The following RHD variants were observed in gnomAD, a reference collection of about 807,000 sequenced individuals.
RHD encodes the protein blood group Rh(D) polypeptide.
Under a neutral mutation model 45.5 loss-of-function variants are expected in RHD, and 16 were observed. That is an observed-to-expected ratio of 0.35 (90% CI 0.24 to 0.53). The LOEUF (loss-of-function observed/expected upper bound fraction) is 0.53. Ranked by LOEUF, RHD falls within the 20% of genes least tolerant of loss-of-function variation. RHD has a pLI of 0.92. For synonymous variants in RHD, 131 were observed against 217.5 expected (o/e 0.60, Z 3.50); for missense variants, 306 against 532.0 (o/e 0.58, Z 4.18).
intron 7 of RHD, among the ~76,000 whole-genome samples, chr1:25,309,914 A>C (rs1403367511): frequency 7.5e-6 from 1 of 133,528 alleles, no homozygotes; most frequent in African/African-American, 2.5e-5. Context: ...AGCATCATAT[A>C]GAATGAGTTG....
chr1:25,307,040 G>C (rs3118453), intron 7 of RHD: 247,670 of 347,296 alleles, frequency 0.71, 104,373 homozygotes, highest in South Asian at 0.85. Context: ...CTGTGGTTCA[G>C]GTCGTGATGC....
rs1200793504 is a variant in RHD at position 25,280,019 on chromosome 1, G to C, written c.149-4554G>C. Among the ~76,000 whole-genome samples, 8 of 129,952 alleles carry C rather than the reference G, an allele frequency of 6.2e-5. 1 individual carries two copies. Among genetic ancestry groups the C allele is most frequent in the African/African-American group, 2.2e-4 (8 of 37,152 alleles). 85.3% of individuals were successfully genotyped at this position (129,952 alleles called of 152,430 possible). A position where few individuals can be genotyped will look rare whatever the true frequency, so the allele number is the denominator to read the frequency against. Reference sequence around the variant, plus strand: ...CCAGATAATGGATGGGTGGAAATGGGCCTGGAGCCCAGGAGAAGTGGGAGG... The same window carrying C: ...CCAGATAATGGATGGGTGGAAATGGCCCTGGAGCCCAGGAGAAGTGGGAGG... On this transcript the variant is annotated intron_variant, in intron 1 of 9. Transcript: ENST00000328664.
rs1304385995 is a variant in RHD, at chr1:25,330,120, G to A, written c.*1196G>A. On this transcript the variant is annotated 3_prime_UTR_variant, in exon 10 of 10. Transcript: ENST00000328664. ...GTGTTTAAATGCTCTTCTGAAGGCT[G>A]ATACGACAGCTCTCTGTGCACTGAT... 1.5e-5 allele frequency: 2 copies of A among 132,602 alleles called. 1 individual carries two copies. Among genetic ancestry groups the A allele is most frequent in the Non-Finnish European group, 3.6e-5 (2 of 55,986 alleles). 8.2% of individuals were successfully genotyped at this position (132,602 alleles called of 1,614,324 possible). A position where few individuals can be genotyped will look rare whatever the true frequency, so the allele number is the denominator to read the frequency against.
At chr1:25,285,426 G>A (rs1259674493) in intron 2 of RHD, among the ~76,000 whole-genome samples, 14 of 135,024 alleles carry the variant, frequency 1.0e-4, no homozygotes, top group South Asian at 2.2e-4. Context: ...GAGCCACCGC[G>A]TCCAGCCTGA....
At chr1:25,285,928 T>C (rs1472676064) in intron 2 of RHD, among the ~76,000 whole-genome samples, 3 of 134,468 alleles carry the variant, frequency 2.2e-5, no homozygotes, top group Non-Finnish European at 5.3e-5. Flanking sequence ...CATTTCTCTA[T>C]GAGCCAGGAA....
rs1471993368 is a variant in RHD, at chr1:25,295,914, T to C, written c.487-5032T>C. On this transcript the variant is annotated intron_variant, in intron 3 of 9. Transcript: ENST00000328664. Reference sequence around the variant, plus strand: ...TTTCGCTGTTGTCATCCAGGCTGGATTGCAATGTTGCAATCTTGGCTCACT... The same window carrying C: ...TTTCGCTGTTGTCATCCAGGCTGGACTGCAATGTTGCAATCTTGGCTCACT... Among the ~76,000 whole-genome samples the C allele has an allele frequency of 1.8e-5, 2 of 111,746 alleles. 1 individual carries two copies. The highest frequency in any genetic ancestry group is 4.2e-5 in the Non-Finnish European group (2 of 47,444). 73.3% of individuals were successfully genotyped at this position (111,746 alleles called of 152,430 possible). A position where few individuals can be genotyped will look rare whatever the true frequency, so the allele number is the denominator to read the frequency against.
At position 25,315,993 on chromosome 1, in the gene RHD, A is replaced by G. The variant is rs1283101049; in HGVS notation, c.1074-1007A>G. 6.1e-5 allele frequency among the ~76,000 whole-genome samples: 8 copies of G among 131,328 alleles called. 3 individuals carry two copies. Among genetic ancestry groups the G allele is most frequent in the Non-Finnish European group, 1.8e-5 (1 of 55,688 alleles). 86.2% of individuals were successfully genotyped at this position (131,328 alleles called of 152,430 possible). On this transcript the variant is annotated intron_variant, in intron 7 of 9. Coordinates refer to ENST00000328664, the MANE Select transcript of RHD (RefSeq NM_016124.6). Reference sequence around the variant, plus strand: ...CTTGGAGCTTTGCTTTGTCTTAAAAATGAGAACATGAGCTGCCCACCTGTT... The same window carrying G: ...CTTGGAGCTTTGCTTTGTCTTAAAAGTGAGAACATGAGCTGCCCACCTGTT...
In RHD at chr1:25,330,068, G is replaced by C. The variant is rs560638872; in HGVS notation, c.*1144G>C. On this transcript the variant is annotated 3_prime_UTR_variant, in exon 10 of 10. Coordinates refer to ENST00000328664, the MANE Select transcript of RHD (RefSeq NM_016124.6). Reference sequence around the variant, plus strand: ...AGACCAAGGGGAGAACCTGGTTGCAGGACAAACAGACGGACAGCGTGTGGC... The same window carrying C: ...AGACCAAGGGGAGAACCTGGTTGCACGACAAACAGACGGACAGCGTGTGGC... The C allele has an allele frequency of 7.5e-6, 1 of 132,962 alleles. No homozygotes were observed. The highest frequency in any genetic ancestry group is 7.3e-5 in the Admixed American group (1 of 13,632). The allele number at this position is 132,962 out of a possible 1,614,324, so 8.2% of individuals were successfully genotyped here.
At chr1:25,294,080 T>G in intron 3 of RHD, 1 of 676,018 alleles carries the variant, frequency 1.5e-6, no homozygotes, top group Admixed American at 1.9e-5. Flanking sequence ...ATCTGTTATT[T>G]CTTCCTTATT....
At chr1:25,287,296 G>A (rs1642110704) in intron 2 of RHD, among the ~76,000 whole-genome samples, 1 of 133,408 alleles carries the variant, frequency 7.5e-6, no homozygotes, top group East Asian at 1.9e-4. Context: ...CTGCCCCACA[G>A]TCTAGGGCTG....
intron 6 of RHD, among the ~76,000 whole-genome samples, chr1:25,305,402 T>C (rs1643727232): frequency 7.9e-6 from 1 of 126,854 alleles, no homozygotes; most frequent in African/African-American, 2.7e-5. Flanking sequence ...ATTTATTTAT[T>C]TATTTATTTA....
intron 2 of RHD, 22 bp from the exon 3 acceptor site, chr1:25,290,619 T>C (rs1255485670): frequency 7.3e-7 from 1 of 1,366,884 alleles, no homozygotes; most frequent in Non-Finnish European, 1.0e-6. Flanking sequence ...TCAGTCGTCC[T>C]GGCTCTCCCT....
At chr1:25,313,262 G>A (rs781218294) in intron 7 of RHD, among the ~76,000 whole-genome samples, 1 of 131,558 alleles carries the variant, frequency 7.6e-6, no homozygotes, top group Non-Finnish European at 1.8e-5. Flanking sequence ...CAGCAAGAAG[G>A]TCCTCAACAG....
chr1:25,288,306 A>T (rs1377038575), intron 2 of RHD, among the ~76,000 whole-genome samples: 1 of 128,820 alleles, frequency 7.8e-6, no homozygotes, highest in East Asian at 2.0e-4. Flanking sequence ...CCTCCTGAGT[A>T]GCTGAGACCA....
At position 25,297,796 on chromosome 1, in the gene RHD, T is replaced by C. The variant is rs1160290344; in HGVS notation, c.487-3150T>C. ...CTTAGGCGGAATGAAGAGAATTCAG[T>C]GTAAGAACCATAAAGGTGTATCTGT... On this transcript the variant is annotated intron_variant, in intron 3 of 9. Coordinates refer to ENST00000328664, the MANE Select transcript of RHD (RefSeq NM_016124.6). 2.3e-5 allele frequency among the ~76,000 whole-genome samples: 3 copies of C among 131,788 alleles called. 1 individual carries two copies. Among genetic ancestry groups the C allele is most frequent in the African/African-American group, 7.9e-5 (3 of 38,210 alleles). The allele number at this position is 131,788 out of a possible 152,430, so 86.5% of individuals were successfully genotyped here.
rs1212452977 is a variant in RHD at position 25,296,912 on chromosome 1, G to A, written c.487-4034G>A. Among the ~76,000 whole-genome samples the A allele has an allele frequency of 1.2e-4, 16 of 130,256 alleles. 5 individuals are homozygous for A. Among genetic ancestry groups the A allele is most frequent in the Admixed American group, 1.0e-3 (14 of 13,382 alleles). 85.5% of individuals were successfully genotyped at this position (130,256 alleles called of 152,430 possible). A position where few individuals can be genotyped will look rare whatever the true frequency, so the allele number is the denominator to read the frequency against. On this transcript the variant is annotated intron_variant, in intron 3 of 9. Coordinates refer to ENST00000328664, the MANE Select transcript of RHD (RefSeq NM_016124.6). The stretch of plus-strand genomic sequence containing the variant: ...TCTCAGGAAGTATCTTTATAGCAGT[G>A]TGAAAACAGACTAACACAATTTCCT...
chr1:25,282,466 T>C lies in RHD; in HGVS notation c.149-2107T>C, dbSNP rs642150. Among the ~76,000 whole-genome samples, 1,231 of 131,630 alleles carry C rather than the reference T, an allele frequency of 9.4e-3. 195 individuals are homozygous for C. The highest frequency in any genetic ancestry group is 0.028 in the African/African-American group (1,080 of 38,616). 86.4% of individuals were successfully genotyped at this position (131,630 alleles called of 152,430 possible). Reference sequence around the variant, plus strand: ...GCCAGGCTAGTCTCGAACTGCTGACTTCATGATCTGCCCACCTCATCCTCC... The same window carrying C: ...GCCAGGCTAGTCTCGAACTGCTGACCTCATGATCTGCCCACCTCATCCTCC... On this transcript the variant is annotated intron_variant, in intron 1 of 9. Transcript: ENST00000328664.
rs372082737 is a variant in RHD, at chr1:25,321,674, T to TAAAATAAAATAAAATA, written c.1154-212_1154-211insATAAAATAAAATAAAA. On this transcript the variant is annotated intron_variant, in intron 8 of 9. Coordinates refer to ENST00000328664, the MANE Select transcript of RHD (RefSeq NM_016124.6). ...GATAGAGTGAGACTCTGTCTCAAAATAAATAAAATAAAATAAAATAAAATA... is the reference window on the plus strand; with the variant it reads ...GATAGAGTGAGACTCTGTCTCAAAATAAAATAAAATAAAATAAAATAAAATAAAATAAAATAAAATA... 6.6e-5 allele frequency among the ~76,000 whole-genome samples: 6 copies of TAAAATAAAATAAAATA among 91,300 alleles called. 1 individual carries two copies. Among genetic ancestry groups the TAAAATAAAATAAAATA allele is most frequent in the Admixed American group, 4.6e-4 (4 of 8,620 alleles). 59.9% of individuals were successfully genotyped at this position (91,300 alleles called of 152,430 possible). A position where few individuals can be genotyped will look rare whatever the true frequency, so the allele number is the denominator to read the frequency against.
rs368085572 is a variant in RHD, at chr1:25,295,451, T to C, written c.486+4660T>C. Among the ~76,000 whole-genome samples the C allele has an allele frequency of 8.8e-4, 91 of 103,590 alleles. 7 individuals are homozygous for C. In the South Asian group the frequency reaches 0.026, roughly 29 times the overall value. The allele number at this position is 103,590 out of a possible 152,430, so 68.0% of individuals were successfully genotyped here. On this transcript the variant is annotated intron_variant, in intron 3 of 9. Coordinates refer to ENST00000328664, the MANE Select transcript of RHD (RefSeq NM_016124.6). ...CACCATTGTTCTCAGGCTGCGTTGATTGGAGCTGCTGAAGGGAGGCAATTT... is the reference window on the plus strand; with the variant it reads ...CACCATTGTTCTCAGGCTGCGTTGACTGGAGCTGCTGAAGGGAGGCAATTT...
Sources: allele counts gnomAD v4.1 joint callset (sites outside exome capture counted in the v4.1 genomes callset), GRCh38; gene constraint gnomAD v4.1.1; transcripts MANE v1.5; gene names NCBI Gene and HGNC (gene_info 2026-07-23, HGNC 2026-07-21).